Variants in DMXL1 observed in about 807,000 individuals in gnomAD.
The protein encoded by DMXL1 is Dmx like 1.
In DMXL1, 99 loss-of-function variants were observed where a neutral mutation model predicts 319.2. The ratio of observed to expected loss-of-function variants is 0.31; its 90% confidence interval spans 0.26 to 0.37. The LOEUF is 0.37. DMXL1 is among the 10% of genes least tolerant of loss of function. The pLI is 1.00. For synonymous variants in DMXL1, 1,385 were observed against 1,235.2 expected, an observed-to-expected ratio of 1.12 and a Z score of -2.54; for missense variants, 3,745 against 3,595.6, an observed-to-expected ratio of 1.04 and a Z score of -1.06.
At chr5:119,170,118 A>G in intron 23 of DMXL1, 72 bp from the exon 24 acceptor site, 1 of 1,449,650 alleles carries the variant, frequency 6.9e-7, no homozygotes, top group African/African-American at 1.4e-5. Flanking sequence ...CATAGTAGAT[A>G]GAGAAAAGAC....
intron 9 of DMXL1, among the ~76,000 whole-genome samples, chr5:119,122,126 C>T (rs1179195028): frequency 4.5e-5 from 6 of 134,670 alleles, no homozygotes; most frequent in Non-Finnish European, 9.6e-5. Context: ...GGCGGCTGGC[C>T]GGGCGGGGGG....
intron 33 of DMXL1, among the ~76,000 whole-genome samples, chr5:119,205,996 T>C (rs1040467541): frequency 1.3e-4 from 20 of 152,212 alleles, no homozygotes; most frequent in Middle Eastern, 3.4e-3. Flanking sequence ...TTTATTTCTT[T>C]ATGTGTTTGA....
intron 2 of DMXL1, 148 bp downstream of exon 2, chr5:119,098,252 C>G: frequency 2.7e-6 from 2 of 739,434 alleles, no homozygotes; most frequent in Non-Finnish European, 4.2e-6. Flanking sequence ...GTCTAAGATG[C>G]ATTCTATAGA....
chr5:119,112,483 C>T (rs59263253), intron 5 of DMXL1, among the ~76,000 whole-genome samples: 51 of 152,200 alleles, frequency 3.4e-4, no homozygotes, highest in African/African-American at 1.2e-3. Flanking sequence ...GTGAAACTGA[C>T]TAGGTTTATA....
At chr5:119,238,350 A>G (rs1041950700) in intron 40 of DMXL1, among the ~76,000 whole-genome samples, 1 of 152,160 alleles carries the variant, frequency 6.6e-6, no homozygotes, top group African/African-American at 2.4e-5. Flanking sequence ...TTTTTATTAA[A>G]GAGAAATATG....
intron 37 of DMXL1, among the ~76,000 whole-genome samples, chr5:119,221,706 A>G (rs1784673130): frequency 6.6e-6 from 1 of 152,106 alleles, no homozygotes; most frequent in Non-Finnish European, 1.5e-5. Context: ...CCCCTTGTCT[A>G]GGTATCTTTT....
At chr5:119,209,832 G>C (rs150980337) in intron 34 of DMXL1, among the ~76,000 whole-genome samples, 104 of 152,114 alleles carry the variant, frequency 6.8e-4, no homozygotes, top group African/African-American at 2.4e-3. Flanking sequence ...TTTTGTATTA[G>C]GTTGCTTGTT....
chr5:119,101,947 T>C lies in DMXL1; in HGVS notation c.226T>C (p.Tyr76His). 1 of 1,603,202 alleles carries C rather than the reference T, an allele frequency of 6.2e-7. No homozygotes were observed. The highest frequency in any genetic ancestry group is 8.5e-7 in the Non-Finnish European group (1 of 1,174,808). The change falls in exon 3 of 44, where the codon TAT (tyrosine) becomes CAT (histidine). Residue 76 changes from tyrosine (Y) to histidine (H), a missense_variant. Coordinates refer to ENST00000539542, the MANE Select transcript of DMXL1 (RefSeq NM_001290321.3). ...SMQQGKIAAS[Y>H]GNVISIFEPV... ...TTCTTTTTAAAAGATTGCAGCGTCTTATGGAAATGTTATCTCCATTTTTGA... is the reference window on the plus strand; with the variant it reads ...TTCTTTTTAAAAGATTGCAGCGTCTCATGGAAATGTTATCTCCATTTTTGA...
At chr5:119,193,803 A>G (rs759901830) in intron 29 of DMXL1, 25 bp from the exon 30 acceptor site, 39 of 1,606,108 alleles carry the variant, frequency 2.4e-5, no homozygotes, top group Non-Finnish European at 2.8e-5. Context: ...TGTGGCTGCT[A>G]AATTTCATGA....
chr5:119,110,301 G>A lies in DMXL1; in HGVS notation c.497+18G>A, dbSNP rs1160010999. The A allele has an allele frequency of 1.3e-6, 2 of 1,525,074 alleles. No individual in the cohort carries two copies. The highest frequency in any genetic ancestry group is 1.7e-6 in the Non-Finnish European group (2 of 1,144,498). The allele number at this position is 1,525,074 out of a possible 1,614,324, so 94.5% of individuals were successfully genotyped here. On this transcript the variant is annotated intron_variant, in intron 5 of 43. Coordinates refer to ENST00000539542, the MANE Select transcript of DMXL1 (RefSeq NM_001290321.3). ...CATTGCAAGTAAGCAATTAATCAGG[G>A]GAGTAAACTGATAAACCTGTTGTTC...
chr5:119,226,472 T>C (rs1177403150), intron 38 of DMXL1, among the ~76,000 whole-genome samples: 1 of 152,200 alleles, frequency 6.6e-6, no homozygotes, highest in Non-Finnish European at 1.5e-5. Flanking sequence ...CTAGTACATT[T>C]TATAATTTTC....
intron 28 of DMXL1, among the ~76,000 whole-genome samples, chr5:119,185,727 TC>T (rs1233576579): frequency 2.6e-5 from 4 of 151,296 alleles, no homozygotes; most frequent in Non-Finnish European, 5.9e-5. Context: ...GGTCTCAAAC[TC>T]CTGGTCTCAC....
chr5:119,123,378 AG>A lies in DMXL1; in HGVS notation c.1102+2242del, dbSNP rs1561645710. ...GGAGAGGGAGAGGAGGGAGAGGGAG[AG>A]GGAGAGGAGGGAGAGGAGGGGGAGG... On this transcript the variant is annotated intron_variant, in intron 9 of 43. Transcript: ENST00000539542. Among the ~76,000 whole-genome samples the A allele has an allele frequency of 1.6e-4, 8 of 48,514 alleles. 1 individual carries two copies. Among genetic ancestry groups the A allele is most frequent in the East Asian group, 8.6e-4 (1 of 1,168 alleles). 31.8% of individuals were successfully genotyped at this position (48,514 alleles called of 152,430 possible). A position where few individuals can be genotyped will look rare whatever the true frequency, so the allele number is the denominator to read the frequency against.
chr5:119,171,044 T>A lies in DMXL1; in HGVS notation c.6253T>A (p.Ser2085Thr), dbSNP rs1426638613. 6.2e-7 allele frequency: 1 copy of A among 1,613,872 alleles called. No individual in the cohort carries two copies. Among genetic ancestry groups the A allele is most frequent in the African/African-American group, 1.3e-5 (1 of 74,986 alleles). ...DFCSDAEELQ[S>T]AFGRNEDEFG... Reference sequence around the variant, plus strand: ...TTGCTCAGATGCTGAAGAACTACAGTCTGCATTTGGCAGAAATGAAGATGA... The same window carrying A: ...TTGCTCAGATGCTGAAGAACTACAGACTGCATTTGGCAGAAATGAAGATGA... Residue 2085 changes from serine to threonine, a missense_variant, in exon 24 of 44, where the codon TCT (serine) becomes ACT (threonine). Ser to Thr is a moderately conservative substitution (Grantham distance 58). Transcript: ENST00000539542.
chr5:119,174,253 G>T (rs557409378), intron 25 of DMXL1, among the ~76,000 whole-genome samples: 76 of 152,244 alleles, frequency 5.0e-4, no homozygotes, highest in African/African-American at 1.4e-3. Context: ...TTTTCAAATG[G>T]TAGTTTCAGG....
intron 23 of DMXL1, among the ~76,000 whole-genome samples, chr5:119,168,316 T>G (rs1255720187): frequency 6.6e-6 from 1 of 152,216 alleles, no homozygotes; most frequent in East Asian, 1.9e-4. Flanking sequence ...AGAGCTTATG[T>G]ACTCTTTTGA....
rs1774478070 is a variant in DMXL1 at position 119,171,220 on chromosome 5, T to C, written c.6429T>C (p.His2143=). 2 of 1,612,124 alleles carry C rather than the reference T, an allele frequency of 1.2e-6. No individual in the cohort carries two copies. The highest frequency in any genetic ancestry group is 1.1e-5 in the South Asian group (1 of 90,800). Residue 2143 remains histidine (H), a synonymous_variant, in exon 24 of 44, where the codon CAT becomes CAC. Coordinates refer to ENST00000539542, the MANE Select transcript of DMXL1 (RefSeq NM_001290321.3). The stretch of plus-strand genomic sequence containing the variant: ...GTTACTGCATACTTCATGGATCCCA[T>C]GGTGGGGGTCTTGCATCTGTAAGAA... The part of the protein sequence containing the change: ...FLSYCILHGS[H]GGGLASVRME...
At chr5:119,177,278 T>TA in intron 26 of DMXL1, 79 bp from the exon 27 acceptor site, 1 of 1,015,814 alleles carries the variant, frequency 9.8e-7, no homozygotes, top group South Asian at 2.3e-5. Flanking sequence ...CAAAAATTGA[T>TA]ACTCTTGAAA....
Position 119,105,358 on chromosome 5 carries a change from T to G in DMXL1, c.364+100T>G. ...ATTTCACTTCTGCTGGGTGTGAGGTTGTGGGGAATACCAAAGAAGTAAAAT... is the reference window on the plus strand; with the variant it reads ...ATTTCACTTCTGCTGGGTGTGAGGTGGTGGGGAATACCAAAGAAGTAAAAT... On this transcript the variant is annotated intron_variant, in intron 4 of 43. Transcript: ENST00000539542. 2 of 918,084 alleles carry G rather than the reference T, an allele frequency of 2.2e-6. 1 individual carries two copies. Among genetic ancestry groups the G allele is most frequent in the Admixed American group, 4.2e-5 (2 of 47,406 alleles). The allele number at this position is 918,084 out of a possible 1,614,324, so 56.9% of individuals were successfully genotyped here.
Sources: gnomAD v4.1 joint callset for allele counts (sites outside exome capture counted in the v4.1 genomes callset) on GRCh38, gnomAD v4.1.1 for gene constraint, MANE v1.5 for transcripts, NCBI Gene and HGNC (gene_info 2026-07-23, HGNC 2026-07-21) for gene names.